CYRIB: variants seen among roughly 807,000 people sequenced by gnomAD.
CYRIB encodes the protein CYFIP related Rac1 interactor B.
Under a neutral mutation model 44.2 loss-of-function variants are expected in CYRIB, and 8 were observed. The observed-to-expected ratio is 0.18, with a 90% CI of 0.11 to 0.33. The LOEUF (loss-of-function observed/expected upper bound fraction) is 0.33. CYRIB is among the 10% of genes least tolerant of loss of function. CYRIB has a pLI of 1.00. For synonymous variants in CYRIB, 131 were observed against 127.2 expected (o/e 1.03, Z -0.20); for missense variants, 185 against 382.8 (o/e 0.48, Z 4.31).
At chr8:129,976,456 T>TA (rs1333462192) in intron 1 of CYRIB, among the ~76,000 whole-genome samples, 1 of 152,220 alleles carries the variant, frequency 6.6e-6, no homozygotes, top group African/African-American at 2.4e-5. Flanking sequence ...AGCAACAATG[T>TA]AAAAAATTAT....
chr8:129,849,525 C>G (rs778852366), intron 9 of CYRIB, 156 bp from the exon 12 acceptor site: 9 of 616,234 alleles, frequency 1.5e-5, no homozygotes, highest in Non-Finnish European at 2.3e-5. Flanking sequence ...CTGATACATT[C>G]AAATCTTATG....
chr8:129,854,867 C>G (rs1158177785), intron 6 of CYRIB, among the ~76,000 whole-genome samples: 1 of 152,128 alleles, frequency 6.6e-6, no homozygotes, highest in Non-Finnish European at 1.5e-5. Flanking sequence ...GAACTCAGGT[C>G]TCTTGATATG....
intron 1 of CYRIB, among the ~76,000 whole-genome samples, chr8:129,928,657 CT>C (rs1235745317): frequency 1.4e-5 from 2 of 148,108 alleles, no homozygotes; most frequent in Non-Finnish European, 3.0e-5. Context: ...AAAATCCTTT[CT>C]TTAAAAAAAA....
At chr8:129,956,917 C>T (rs1404557587) in intron 2 of CYRIB, among the ~76,000 whole-genome samples, 1 of 147,162 alleles carries the variant, frequency 6.8e-6, no homozygotes. Context: ...TGGTTCACTG[C>T]AGCCTTGACC....
At chr8:129,980,993 AAC>A (rs371518934) in intron 1 of CYRIB, among the ~76,000 whole-genome samples, 16 of 152,058 alleles carry the variant, frequency 1.1e-4, no homozygotes, top group East Asian at 3.9e-4. Flanking sequence ...CAAAAAAAAA[AAC>A]ACACACACTC....
At chr8:129,998,576 G>C (rs1245587803) in intron 1 of CYRIB, among the ~76,000 whole-genome samples, 1 of 152,088 alleles carries the variant, frequency 6.6e-6, no homozygotes, top group African/African-American at 2.4e-5. Context: ...TCCCATTGGT[G>C]CTTTAATATG....
intron 2 of CYRIB, 150 bp downstream of exon 2, chr8:129,970,793 A>G (rs911465438): frequency 6.6e-5 from 10 of 152,312 alleles, no homozygotes; most frequent in African/African-American, 2.4e-4. Flanking sequence ...TTCTGATTTC[A>G]ACAGAGGTAG....
chr8:129,859,421 C>T (rs2048078202), intron 5 of CYRIB, among the ~76,000 whole-genome samples: 1 of 152,136 alleles, frequency 6.6e-6, no homozygotes, highest in African/African-American at 2.4e-5. Flanking sequence ...TGACTAATGT[C>T]AGGCCCTCCA....
chr8:129,886,307 G>C (rs568509752), intron 2 of CYRIB, among the ~76,000 whole-genome samples: 1 of 152,236 alleles, frequency 6.6e-6, no homozygotes, highest in South Asian at 2.1e-4. Context: ...AGCAGCTCTT[G>C]ACCCAGTTAT....
intron 4 of CYRIB, among the ~76,000 whole-genome samples, chr8:129,870,411 A>G (rs1184865152): frequency 6.6e-6 from 1 of 152,188 alleles, no homozygotes; most frequent in African/African-American, 2.4e-5. Context: ...CCTGTCTCAA[A>G]ATAAAATAAA....
chr8:129,924,024 A>T (rs779898258), intron 1 of CYRIB, among the ~76,000 whole-genome samples: 9 of 149,386 alleles, frequency 6.0e-5, no homozygotes, highest in Non-Finnish European at 1.3e-4. Flanking sequence ...TATCCCCAAC[A>T]CTTTGCAAGG....
chr8:129,936,931 T>A (rs1564196426), intron 1 of CYRIB, among the ~76,000 whole-genome samples: 1 of 152,030 alleles, frequency 6.6e-6, no homozygotes, highest in Non-Finnish European at 1.5e-5. Flanking sequence ...ATGGTCTCGA[T>A]CTCCTGACCT....
rs533249505 is a variant in CYRIB, at chr8:130,011,981, T to C, written c.-296+4389A>G. On this transcript the variant is annotated intron_variant, in intron 1 of 14. Transcript: ENST00000401979. ...CCCTCATTTCTCTACTCTTGACATT[T>C]ATTCAGCTTGTAAAGAAAAGGATCC... Among the ~76,000 whole-genome samples, 4 of 152,290 alleles carry C rather than the reference T, an allele frequency of 2.6e-5. No homozygotes were observed. The East Asian group carries it at 7.7e-4, about 29-fold the overall frequency.
intron 1 of CYRIB, chr8:129,939,566 G>A (rs1302112590): frequency 6.6e-6 from 1 of 152,182 alleles, no homozygotes; most frequent in Non-Finnish European, 1.5e-5. Flanking sequence ...AAAGCTAGGA[G>A]TGTGAAGGAA....
At chr8:129,862,408 C>T in intron 4 of CYRIB, 74 bp from the exon 7 acceptor site, 1 of 1,127,640 alleles carries the variant, frequency 8.9e-7, no homozygotes, top group East Asian at 2.4e-5. Flanking sequence ...AAAATGTAGG[C>T]TTTAGCAAAC....
intron 1 of CYRIB, 112 bp downstream of exon 3, chr8:129,904,386 CA>C (rs2074123961): frequency 6.6e-6 from 1 of 152,108 alleles, no homozygotes; most frequent in Non-Finnish European, 1.5e-5. Flanking sequence ...TGGGATCTAG[CA>C]AATAAATACC....
chr8:129,980,227 C>CAAAAAAAAAA (rs58630436), intron 1 of CYRIB, among the ~76,000 whole-genome samples: 4 of 91,750 alleles, frequency 4.4e-5, no homozygotes, highest in Non-Finnish European at 4.6e-5. Context: ...GACTCCATCT[C>CAAAAAAAAAA]AAAAAAAAAA....
chr8:130,011,282 A>T (rs2097207185), intron 1 of CYRIB, among the ~76,000 whole-genome samples: 1 of 152,100 alleles, frequency 6.6e-6, no homozygotes, highest in South Asian at 2.1e-4. Context: ...GCACATTGGG[A>T]GGCTGAGGTG....
intron 5 of CYRIB, among the ~76,000 whole-genome samples, chr8:129,856,816 C>T (rs16904159): frequency 0.014 from 2,192 of 152,222 alleles, 52 homozygotes; most frequent in African/African-American, 0.049. Context: ...AAAGTTATAG[C>T]TAGTAAATGC....
Sources: allele counts gnomAD v4.1 joint callset (sites outside exome capture counted in the v4.1 genomes callset), GRCh38; gene constraint gnomAD v4.1.1; transcripts MANE v1.5; gene names NCBI Gene and HGNC (gene_info 2026-07-23, HGNC 2026-07-21).